Variants in CNTNAP5 observed in about 807,000 individuals in gnomAD.
CNTNAP5 encodes contactin-associated protein-like 5.
A neutral mutation model predicts 150.2 loss-of-function variants in CNTNAP5; 72 were observed. The observed-to-expected ratio is 0.48, with a 90% CI of 0.40 to 0.58. The LOEUF (loss-of-function observed/expected upper bound fraction) is 0.58, where lower values mean the gene tolerates loss of function less well. Among genes scored for constraint, CNTNAP5 ranks in the 20% least tolerant of loss-of-function variants. CNTNAP5 has a pLI of 0.00. For synonymous variants in CNTNAP5, 672 were observed against 619.8 expected (o/e 1.08, Z -1.25); for missense variants, 1,636 against 1,626.2 (o/e 1.01, Z -0.10).
intron 1 of CNTNAP5, among the ~76,000 whole-genome samples, chr2:124,121,713 T>C (rs1683567114): frequency 6.6e-6 from 1 of 152,114 alleles, no homozygotes; most frequent in South Asian, 2.1e-4. Flanking sequence ...CCCCAATCAT[T>C]CCTAAACTAT....
At chr2:124,367,250 G>A (rs1393796696) in intron 3 of CNTNAP5, among the ~76,000 whole-genome samples, 1 of 152,112 alleles carries the variant, frequency 6.6e-6, no homozygotes, top group African/African-American at 2.4e-5. Context: ...CCATTCTCAT[G>A]GTGCTGTGAA....
At chr2:124,394,832 C>T (rs552612901) in intron 3 of CNTNAP5, among the ~76,000 whole-genome samples, 95 of 152,330 alleles carry the variant, frequency 6.2e-4, no homozygotes, top group African/African-American at 2.2e-3. Context: ...GAGACACATA[C>T]ATTCTGCTGC....
At chr2:124,103,267 ATAAAAT>A (rs369813584) in intron 1 of CNTNAP5, among the ~76,000 whole-genome samples, 63 of 152,362 alleles carry the variant, frequency 4.1e-4, no homozygotes, top group African/African-American at 1.4e-3. Context: ...AAAAAGTGAA[ATAAAAT>A]TAAAAACTGT....
At chr2:124,602,785 G>T (rs11888752) in intron 11 of CNTNAP5, among the ~76,000 whole-genome samples, 66,845 of 151,982 alleles carry the variant, frequency 0.44, 15,306 homozygotes, top group East Asian at 0.8. Context: ...GAACCACTGT[G>T]CCCAGCTGAT....
chr2:124,214,708 T>A (rs1686112112), intron 1 of CNTNAP5, among the ~76,000 whole-genome samples: 1 of 152,306 alleles, frequency 6.6e-6, no homozygotes, highest in Middle Eastern at 3.4e-3. Flanking sequence ...CATAAGGAGC[T>A]TATTTCAAAA....
chr2:124,185,841 G>A (rs1355577892), intron 1 of CNTNAP5, among the ~76,000 whole-genome samples: 1 of 152,162 alleles, frequency 6.6e-6, no homozygotes, highest in Non-Finnish European at 1.5e-5. Flanking sequence ...TTGTGAGCAG[G>A]TCCCTCTGCA....
At chr2:124,150,070 T>A (rs1302474779) in intron 1 of CNTNAP5, among the ~76,000 whole-genome samples, 2 of 152,228 alleles carry the variant, frequency 1.3e-5, no homozygotes, top group Non-Finnish European at 2.9e-5. Context: ...AATTCTGTAC[T>A]CTTTAAAAAC....
intron 1 of CNTNAP5, among the ~76,000 whole-genome samples, chr2:124,076,163 T>A (rs1682432796): frequency 6.6e-6 from 1 of 152,170 alleles, no homozygotes; most frequent in Admixed American, 6.6e-5. Context: ...TAACTTCACA[T>A]TGTTTGGCAT....
intron 7 of CNTNAP5, among the ~76,000 whole-genome samples, chr2:124,480,819 A>G (rs1270899365): frequency 2.0e-5 from 3 of 152,146 alleles, no homozygotes; most frequent in Non-Finnish European, 4.4e-5. Context: ...ACCTGCATCT[A>G]TGCTGTATGC....
chr2:124,828,735 CAAAAAAAAAAAAAA>C (rs60339676), intron 19 of CNTNAP5, among the ~76,000 whole-genome samples: 37 of 23,110 alleles, frequency 1.6e-3, no homozygotes, highest in Admixed American at 6.0e-3. Context: ...CAAGTGTTGG[CAAAAAAAAAAAAAA>C]AAAAAAAAAA....
At chr2:124,113,506 A>ATGTG (rs138877401) in intron 1 of CNTNAP5, among the ~76,000 whole-genome samples, 26,676 of 142,698 alleles carry the variant, frequency 0.19, 2,400 homozygotes, top group South Asian at 0.26. Context: ...ATACATATAT[A>ATGTG]TGTGTGTGTG....
At chr2:124,776,192 C>A (rs184127689) in intron 17 of CNTNAP5, among the ~76,000 whole-genome samples, 68 of 152,222 alleles carry the variant, frequency 4.5e-4, no homozygotes, top group Middle Eastern at 6.8e-3. Context: ...AAATATGCGG[C>A]AATTATAGAG....
chr2:124,063,227 C>T (rs988340055), intron 1 of CNTNAP5, among the ~76,000 whole-genome samples: 1 of 151,796 alleles, frequency 6.6e-6, no homozygotes, highest in African/African-American at 2.4e-5. Flanking sequence ...ATCATGACAC[C>T]TAACAAAAAG....
chr2:124,911,866 G>A (rs1233495706), intron 23 of CNTNAP5, among the ~76,000 whole-genome samples: 9 of 152,056 alleles, frequency 5.9e-5, no homozygotes, highest in African/African-American at 1.2e-4. Flanking sequence ...TGCAAACAAA[G>A]CAAACCAATA....
chr2:124,716,680 C>T (rs930809725), intron 13 of CNTNAP5, among the ~76,000 whole-genome samples: 2 of 151,936 alleles, frequency 1.3e-5, no homozygotes, highest in East Asian at 1.9e-4. Context: ...TGCTTGATAT[C>T]GAGGATGCCT....
chr2:124,583,976 G>A (rs1053140448), intron 11 of CNTNAP5, among the ~76,000 whole-genome samples: 20 of 152,010 alleles, frequency 1.3e-4, no homozygotes, highest in African/African-American at 4.4e-4. Context: ...CCTAGCTCCC[G>A]CACCTCCTCA....
intron 11 of CNTNAP5, among the ~76,000 whole-genome samples, chr2:124,604,231 T>A (rs1451816115): frequency 6.6e-6 from 1 of 152,222 alleles, no homozygotes; most frequent in Non-Finnish European, 1.5e-5. Flanking sequence ...GCATTTTATA[T>A]TTTATCTTTT....
intron 10 of CNTNAP5, among the ~76,000 whole-genome samples, chr2:124,538,499 AAG>A (rs1558945130): frequency 6.6e-6 from 1 of 151,598 alleles, no homozygotes. Flanking sequence ...GAGAGAGAGA[AAG>A]AGAGACTCTG....
intron 5 of CNTNAP5, among the ~76,000 whole-genome samples, chr2:124,445,521 T>G (rs1692791139): frequency 6.6e-6 from 1 of 152,218 alleles, no homozygotes; most frequent in East Asian, 1.9e-4. Context: ...ACCAATGAAA[T>G]CAAGTCAGCT....
Sources: allele counts gnomAD v4.1 joint callset (sites outside exome capture counted in the v4.1 genomes callset), GRCh38; gene constraint gnomAD v4.1.1; transcripts MANE v1.5; gene names NCBI Gene and HGNC (gene_info 2026-07-23, HGNC 2026-07-21).